The following CDKAL1 variants were observed in gnomAD, a reference collection of about 807,000 sequenced individuals.
CDKAL1 encodes threonylcarbamoyladenosine tRNA methylthiotransferase.
Under a neutral mutation model 68.2 loss-of-function variants are expected in CDKAL1, and 32 were observed. The observed-to-expected ratio is 0.47, with a 90% CI of 0.35 to 0.63. CDKAL1 has a LOEUF of 0.63. Ranked by LOEUF, CDKAL1 falls within the 30% of genes least tolerant of loss-of-function variation. CDKAL1 has a pLI of 0.00. For synonymous variants in CDKAL1, 234 were observed against 244.3 expected (o/e 0.96, Z 0.39); for missense variants, 606 against 696.7 (o/e 0.87, Z 1.47).
intron 15 of CDKAL1, among the ~76,000 whole-genome samples, chr6:21,225,777 G>A (rs1421677424): frequency 3.3e-5 from 5 of 152,062 alleles, no homozygotes; most frequent in African/African-American, 7.2e-5. Context: ...AAAATAGCAC[G>A]GGTCAATTCT....
rs543475852 is a variant in CDKAL1 at position 20,574,981 on chromosome 6, C to T, written c.286+26276C>T. ...TTTGGAATTTTCATTTCAAATGCAT[C>T]CTCCTCATTTAAGAAAAATCCAGAT... is the stretch of plus-strand genomic sequence containing the variant. On this transcript the variant is annotated intron_variant, in intron 4 of 15. Coordinates refer to ENST00000274695, the MANE Select transcript of CDKAL1 (RefSeq NM_017774.3). Among the ~76,000 whole-genome samples the T allele has an allele frequency of 2.3e-4, 35 of 152,086 alleles. 2 individuals are homozygous for T. The South Asian group carries it at 7.1e-3, about 31-fold the overall frequency.
chr6:21,101,597 A>T (rs1175894875), intron 12 of CDKAL1, among the ~76,000 whole-genome samples: 4 of 152,158 alleles, frequency 2.6e-5, no homozygotes, highest in African/African-American at 9.7e-5. Context: ...CCTGCTTTAA[A>T]TTACACCAAT....
chr6:20,739,904 G>A (rs1280020565), intron 6 of CDKAL1, among the ~76,000 whole-genome samples: 1 of 152,074 alleles, frequency 6.6e-6, no homozygotes, highest in Admixed American at 6.6e-5. Context: ...TGTTACCATC[G>A]CTTTCCAAGT....
intron 12 of CDKAL1, among the ~76,000 whole-genome samples, chr6:21,107,973 T>C (rs1773931942): frequency 6.6e-6 from 1 of 152,208 alleles, no homozygotes; most frequent in Admixed American, 6.5e-5. Context: ...CCAGGAAGCC[T>C]GAAGGAGGTG....
At chr6:20,734,739 T>G (rs1403736568) in intron 5 of CDKAL1, among the ~76,000 whole-genome samples, 1 of 152,122 alleles carries the variant, frequency 6.6e-6, no homozygotes, top group African/African-American at 2.4e-5. Flanking sequence ...AATAATTTTT[T>G]CCCCAAAGCC....
At chr6:20,558,789 A>C (rs767849257) in intron 4 of CDKAL1, 12 of 349,170 alleles carry the variant, frequency 3.4e-5, no homozygotes, top group Admixed American at 1.1e-4. Context: ...ATTGCATTGA[A>C]GAGTGGAAGA....
At chr6:21,100,856 A>G (rs1301129938) in intron 12 of CDKAL1, among the ~76,000 whole-genome samples, 1 of 152,310 alleles carries the variant, frequency 6.6e-6, no homozygotes, top group East Asian at 1.9e-4. Flanking sequence ...AATATGTATA[A>G]TATAAAGTGA....
chr6:21,108,574 A>G, intron 13 of CDKAL1, 111 bp downstream of exon 13: 1 of 637,844 alleles, frequency 1.6e-6, no homozygotes, highest in Admixed American at 3.4e-5. Context: ...TTACATTTAT[A>G]TTTCAATTTA....
intron 6 of CDKAL1, among the ~76,000 whole-genome samples, chr6:20,753,957 A>ATGTGTGTGTGTGTGTGTGTG (rs112105313): frequency 4.1e-5 from 6 of 147,700 alleles, no homozygotes; most frequent in Admixed American, 1.4e-4. Context: ...TATTATCTGT[A>ATGTGTGTGTGTGTGTGTGTG]TGTGTGTGTG....
At chr6:20,993,804 A>T (rs1436469789) in intron 10 of CDKAL1, among the ~76,000 whole-genome samples, 2 of 152,248 alleles carry the variant, frequency 1.3e-5, no homozygotes, top group African/African-American at 4.8e-5. Context: ...ACTTTGTAAG[A>T]TGAGGATTCC....
At chr6:20,936,477 C>G (rs1763719779) in intron 9 of CDKAL1, among the ~76,000 whole-genome samples, 2 of 151,214 alleles carry the variant, frequency 1.3e-5, no homozygotes, top group Admixed American at 6.6e-5. Context: ...GTCTCGATCT[C>G]CTGACCTCGT....
intron 8 of CDKAL1, among the ~76,000 whole-genome samples, chr6:20,833,215 T>C (rs959305724): frequency 2.0e-5 from 3 of 152,144 alleles, no homozygotes; most frequent in Non-Finnish European, 4.4e-5. Context: ...CAGCGTTAGT[T>C]TTTTGTGAGC....
At chr6:20,657,764 A>G (rs1447043491) in intron 5 of CDKAL1, among the ~76,000 whole-genome samples, 1 of 152,168 alleles carries the variant, frequency 6.6e-6, no homozygotes, top group Non-Finnish European at 1.5e-5. Flanking sequence ...TCAGACTGAT[A>G]AAAGAGTAAG....
intron 5 of CDKAL1, among the ~76,000 whole-genome samples, chr6:20,718,741 G>A (rs1181763324): frequency 6.6e-6 from 1 of 152,094 alleles, no homozygotes; most frequent in African/African-American, 2.4e-5. Context: ...CTGGAGATTA[G>A]CATCTTCTAT....
chr6:21,170,263 A>AC (rs1777325580), intron 13 of CDKAL1, among the ~76,000 whole-genome samples: 1 of 152,144 alleles, frequency 6.6e-6, no homozygotes, highest in African/African-American at 2.4e-5. Flanking sequence ...TAGGAAGAAA[A>AC]ATAACATAAG....
At chr6:20,729,656 TA>T (rs1259880649) in intron 5 of CDKAL1, among the ~76,000 whole-genome samples, 6 of 152,182 alleles carry the variant, frequency 3.9e-5, no homozygotes, top group Admixed American at 2.6e-4. Context: ...GAAATTCTAT[TA>T]CAGGTAAAGA....
chr6:20,621,736 C>T (rs368436815), intron 4 of CDKAL1, among the ~76,000 whole-genome samples: 1 of 149,340 alleles, frequency 6.7e-6, no homozygotes, highest in Non-Finnish European at 1.5e-5. Flanking sequence ...CAGTCACTTC[C>T]GTGTCAGTCG....
At chr6:20,912,219 C>A in intron 9 of CDKAL1, among the ~76,000 whole-genome samples, 1 of 152,120 alleles carries the variant, frequency 6.6e-6, no homozygotes, top group East Asian at 1.9e-4. Flanking sequence ...CCTCCTCAAA[C>A]CCCCTCCTCA....
chr6:20,863,776 G>C (rs1484853299), intron 9 of CDKAL1, among the ~76,000 whole-genome samples: 1 of 152,130 alleles, frequency 6.6e-6, no homozygotes. Flanking sequence ...GCCAAACTAG[G>C]TAATATTTGA....
Sources: allele counts gnomAD v4.1 joint callset (sites outside exome capture counted in the v4.1 genomes callset), GRCh38; gene constraint gnomAD v4.1.1; transcripts MANE v1.5; gene names NCBI Gene and HGNC (gene_info 2026-07-23, HGNC 2026-07-21).